The following RASEF variants were observed in gnomAD, a reference collection of about 807,000 sequenced individuals.
RASEF encodes the protein ras and EF-hand domain-containing protein.
In RASEF, 68 loss-of-function variants were observed where a neutral mutation model predicts 90.1. The observed-to-expected ratio is 0.75, with a 90% CI of 0.62 to 0.92. The LOEUF is 0.92. Ranked by LOEUF, RASEF falls within the 40% of genes least tolerant of loss-of-function variation. The pLI is 0.00. For synonymous variants in RASEF, 331 were observed against 345.2 expected, an observed-to-expected ratio of 0.96 and a Z score of 0.46; for missense variants, 949 against 937.2, an observed-to-expected ratio of 1.01 and a Z score of -0.16.
At chr9:83,164,044 AT>A in the RASEF span, among the ~76,000 whole-genome samples, 2 of 150,760 alleles carry the variant, frequency 1.3e-5, no homozygotes, top group Admixed American at 6.6e-5. Context: ...CTACAAAACT[AT>A]CCTTCAAAAA....
the RASEF span, among the ~76,000 whole-genome samples, chr9:83,205,007 A>T: frequency 6.6e-6 from 1 of 152,230 alleles, no homozygotes; most frequent in East Asian, 1.9e-4. Flanking sequence ...GAGATTAAGA[A>T]ACTCAACCAA....
chr9:83,174,761 G>C, the RASEF span, among the ~76,000 whole-genome samples: 1 of 152,066 alleles, frequency 6.6e-6, no homozygotes, highest in Non-Finnish European at 1.5e-5. Flanking sequence ...AACATGAGAT[G>C]TCTTTCCACT....
intron 1 of RASEF, among the ~76,000 whole-genome samples, chr9:83,056,696 T>A (rs1048525422): frequency 2.0e-5 from 3 of 152,198 alleles, no homozygotes; most frequent in Non-Finnish European, 1.5e-5. Context: ...GAAGAATAAA[T>A]CACAAGTTCA....
chr9:83,000,351 T>C lies in RASEF; in HGVS notation c.1576-35A>G, dbSNP rs761384258. On this transcript the variant is annotated intron_variant, in intron 11 of 16. Transcript: ENST00000376447. ...AAAGCCACAGTGAATGATAACGGTATTGCCAGTTTTCATCCTAATAAGTAA... is the reference window on the plus strand; with the variant it reads ...AAAGCCACAGTGAATGATAACGGTACTGCCAGTTTTCATCCTAATAAGTAA... 3.1e-6 allele frequency: 5 copies of C among 1,611,640 alleles called. No individual in the cohort carries two copies. The South Asian group carries it at 3.3e-5, about 11-fold the overall frequency.
the RASEF span, among the ~76,000 whole-genome samples, chr9:83,179,010 T>C: frequency 3.3e-4 from 50 of 152,188 alleles, no homozygotes; most frequent in Non-Finnish European, 3.5e-4. Flanking sequence ...CAGCATTGTC[T>C]ACAACTATGT....
rs78375096 is a variant in RASEF at position 83,006,546 on chromosome 9, G to A, written c.1028+891C>T. 1.7e-3 allele frequency among the ~76,000 whole-genome samples: 260 copies of A among 152,180 alleles called. 2 individuals are homozygous for A. In the Middle Eastern group the frequency reaches 0.024, roughly 14 times the overall value. On this transcript the variant is annotated intron_variant, in intron 7 of 16. Transcript: ENST00000376447. Reference sequence around the variant, plus strand: ...GTCAAACCTGACCTGACTTCATTGAGGGGAACTGAAACCAGAAGACAATGC... The same window carrying A: ...GTCAAACCTGACCTGACTTCATTGAAGGGAACTGAAACCAGAAGACAATGC...
At chr9:83,191,309 A>C in the RASEF span, among the ~76,000 whole-genome samples, 1 of 152,214 alleles carries the variant, frequency 6.6e-6, no homozygotes, top group Non-Finnish European at 1.5e-5. Context: ...ATGGCCTTTC[A>C]GCAAACAGAA....
the RASEF span, among the ~76,000 whole-genome samples, chr9:83,133,426 T>C: frequency 6.6e-6 from 1 of 152,186 alleles, no homozygotes; most frequent in Non-Finnish European, 1.5e-5. Flanking sequence ...TTAGTAAATA[T>C]ATAACAAGGG....
intron 4 of RASEF, among the ~76,000 whole-genome samples, chr9:83,012,878 G>C (rs1174878009): frequency 6.6e-6 from 1 of 152,082 alleles, no homozygotes; most frequent in Non-Finnish European, 1.5e-5. Context: ...TTTCCATTCT[G>C]TATTACAATT....
In RASEF at chr9:83,004,579, T is replaced by C. The variant is rs376541537; in HGVS notation, c.1121A>G (p.Asn374Ser). 31 of 1,554,438 alleles carry C rather than the reference T, an allele frequency of 2.0e-5. No individual in the cohort carries two copies. The highest frequency in any genetic ancestry group is 2.7e-5 in the Non-Finnish European group (30 of 1,125,850). ...AATTGTATTCCCTGGTGAGATATTA[T>C]TTATATGCTGTAATATAGAAGTAAT... is the stretch of plus-strand genomic sequence containing the variant. ...YSKFNRSLHI[N>S]NISPGNTISR... Residue 374 changes from asparagine to serine, a missense_variant, in exon 9 of 17, where the codon AAT (asparagine) becomes AGT (serine). Coordinates refer to ENST00000376447, the MANE Select transcript of RASEF (RefSeq NM_152573.4).
chr9:83,107,167 G>T, the RASEF span, among the ~76,000 whole-genome samples: 1 of 152,184 alleles, frequency 6.6e-6, no homozygotes, highest in Non-Finnish European at 1.5e-5. Flanking sequence ...CATGGAGAAT[G>T]TTAAAGCCCT....
the RASEF span, among the ~76,000 whole-genome samples, chr9:83,206,110 C>T: frequency 1.8e-4 from 27 of 152,242 alleles, no homozygotes; most frequent in African/African-American, 6.3e-4. Context: ...ATAATTTGTA[C>T]CTTCTATCGT....
the RASEF span, among the ~76,000 whole-genome samples, chr9:83,213,368 C>G: frequency 6.6e-6 from 1 of 150,756 alleles, no homozygotes; most frequent in African/African-American, 2.4e-5. Context: ...CCACTGCACT[C>G]CAGCCTGGGC....
At chr9:83,019,139 A>C (rs1273203327) in intron 3 of RASEF, among the ~76,000 whole-genome samples, 3 of 152,138 alleles carry the variant, frequency 2.0e-5, no homozygotes, top group Non-Finnish European at 2.9e-5. Context: ...TAAAAAATTA[A>C]AAATTTATAC....
the RASEF span, among the ~76,000 whole-genome samples, chr9:83,158,685 TAC>T: frequency 6.8e-6 from 1 of 147,362 alleles, no homozygotes; most frequent in Non-Finnish European, 1.5e-5. Context: ...TATGTACATA[TAC>T]ATATATGTAT....
intron 1 of RASEF, among the ~76,000 whole-genome samples, chr9:83,032,507 G>T (rs1829665525): frequency 6.6e-6 from 1 of 152,204 alleles, no homozygotes; most frequent in African/African-American, 2.4e-5. Context: ...TGTGCTGAGA[G>T]AGCAACCAAC....
chr9:83,087,419 C>CTCTCTCTCTCTG, the RASEF span, among the ~76,000 whole-genome samples: 9 of 147,066 alleles, frequency 6.1e-5, no homozygotes, highest in South Asian at 6.4e-4. Flanking sequence ...CTCTCTCTCT[C>CTCTCTCTCTCTG]TCTCTCTCTC....
At chr9:83,165,309 T>C in the RASEF span, among the ~76,000 whole-genome samples, 1 of 152,072 alleles carries the variant, frequency 6.6e-6, no homozygotes, top group Non-Finnish European at 1.5e-5. Flanking sequence ...CAATGTTTGC[T>C]CTCAGGCCAC....
At chr9:83,117,485 G>T in the RASEF span, among the ~76,000 whole-genome samples, 2 of 152,176 alleles carry the variant, frequency 1.3e-5, no homozygotes, top group African/African-American at 2.4e-5. Context: ...TTCCATTAAG[G>T]TTCTTTCTAG....
Sources: allele counts gnomAD v4.1 joint callset (sites outside exome capture counted in the v4.1 genomes callset), GRCh38; gene constraint gnomAD v4.1.1; transcripts MANE v1.5; gene names NCBI Gene and HGNC (gene_info 2026-07-23, HGNC 2026-07-21).